The following ARHGAP24 variants were observed in gnomAD, a reference collection of about 807,000 sequenced individuals.
The protein encoded by ARHGAP24 is Rho GTPase activating protein 24.
Under a neutral mutation model 76.4 loss-of-function variants are expected in ARHGAP24, and 50 were observed. The observed-to-expected ratio is 0.65, with a 90% confidence interval of 0.52 to 0.83. ARHGAP24 has a LOEUF of 0.83. Ranked by LOEUF, ARHGAP24 falls within the 40% of genes least tolerant of loss-of-function variation. The pLI is 0.00. For synonymous variants in ARHGAP24, 345 were observed against 323.3 expected (o/e 1.07, Z -0.72); for missense variants, 930 against 914.2 (o/e 1.02, Z -0.22).
intron 7 of ARHGAP24, chr4:85,975,903 C>T (rs912280900): frequency 6.6e-6 from 1 of 152,134 alleles, no homozygotes; most frequent in African/African-American, 2.4e-5. Flanking sequence ...ATTCCAAGTC[C>T]TCCCACAATA....
intron 3 of ARHGAP24, among the ~76,000 whole-genome samples, chr4:85,727,739 A>G (rs1396474992): frequency 2.0e-5 from 3 of 152,098 alleles, no homozygotes; most frequent in African/African-American, 7.2e-5. Flanking sequence ...ATATGCTGGG[A>G]CTCAGTCCAT....
At chr4:85,544,980 T>G (rs1338781309) in intron 1 of ARHGAP24, among the ~76,000 whole-genome samples, 1 of 152,106 alleles carries the variant, frequency 6.6e-6, no homozygotes, top group Non-Finnish European at 1.5e-5. Flanking sequence ...CACAGGTGAC[T>G]GCAGATCGTG....
chr4:85,971,122 A>G (rs1738948203), intron 5 of ARHGAP24, among the ~76,000 whole-genome samples: 1 of 152,212 alleles, frequency 6.6e-6, no homozygotes, highest in South Asian at 2.1e-4. Context: ...CCATCTTAGA[A>G]TATTAGACAA....
chr4:85,769,742 T>G (rs1435072335), intron 3 of ARHGAP24, among the ~76,000 whole-genome samples: 2 of 151,694 alleles, frequency 1.3e-5, no homozygotes, highest in African/African-American at 4.8e-5. Flanking sequence ...CGCCCGCCAC[T>G]ACGCCCAGCT....
chr4:85,824,077 A>G (rs1729599833), intron 3 of ARHGAP24, among the ~76,000 whole-genome samples: 1 of 152,168 alleles, frequency 6.6e-6, no homozygotes, highest in African/African-American at 2.4e-5. Context: ...GACTGCTCAG[A>G]AGGTGTTTAA....
intron 2 of ARHGAP24, among the ~76,000 whole-genome samples, chr4:85,624,465 A>G (rs1720854953): frequency 6.6e-6 from 1 of 152,056 alleles, no homozygotes; most frequent in Admixed American, 6.5e-5. Flanking sequence ...AAGCTTTTTG[A>G]TGTGCTGCTG....
intron 2 of ARHGAP24, among the ~76,000 whole-genome samples, chr4:85,653,802 A>G (rs1024501345): frequency 6.6e-6 from 1 of 152,136 alleles, no homozygotes; most frequent in Admixed American, 6.6e-5. Flanking sequence ...TTCTCCAGTT[A>G]CACTAGCCAC....
At chr4:85,685,254 C>T (rs1446155449) in intron 2 of ARHGAP24, among the ~76,000 whole-genome samples, 1 of 152,164 alleles carries the variant, frequency 6.6e-6, no homozygotes, top group African/African-American at 2.4e-5. Context: ...TGCCTTGCTG[C>T]CAAACACTCT....
intron 2 of ARHGAP24, among the ~76,000 whole-genome samples, chr4:85,597,629 C>CT (rs5859986): frequency 2.7e-5 from 4 of 148,924 alleles, no homozygotes; most frequent in South Asian, 2.1e-4. Context: ...AGGGCAGCAA[C>CT]TTTTTTTTTT....
intron 1 of ARHGAP24, among the ~76,000 whole-genome samples, chr4:85,525,957 C>T (rs1411432385): frequency 1.3e-5 from 2 of 152,084 alleles, no homozygotes; most frequent in African/African-American, 2.4e-5. Context: ...GCTTTTTACA[C>T]CCCCAAGGGC....
In ARHGAP24 at chr4:85,995,224, G is replaced by A; in HGVS notation, c.1570G>A (p.Gly524Ser). The A allele has an allele frequency of 1.9e-6, 3 of 1,614,000 alleles. No individual in the cohort carries two copies. The highest frequency in any genetic ancestry group is 2.2e-5 in the East Asian group (1 of 44,830). Residue 524 changes from glycine to serine, a missense_variant, in exon 9 of 10, where the codon GGC becomes AGC. Gly to Ser is a moderately conservative substitution (Grantham distance 56). Coordinates refer to ENST00000395184, the MANE Select transcript of ARHGAP24 (RefSeq NM_001025616.3). ...NKQKEQAGEL[G>S]QHNRLSTYDN... ...GCAGAAAGAACAAGCTGGAGAGTTA[G>A]GCCAGCACAACAGACTGTCCACCTA...
At chr4:85,618,132 C>A (rs891954116) in intron 2 of ARHGAP24, among the ~76,000 whole-genome samples, 1 of 152,144 alleles carries the variant, frequency 6.6e-6, no homozygotes, top group Non-Finnish European at 1.5e-5. Context: ...ACCCCTTGAC[C>A]AACATCTCCC....
At chr4:85,648,624 A>C (rs1721816042) in intron 2 of ARHGAP24, among the ~76,000 whole-genome samples, 2 of 152,126 alleles carry the variant, frequency 1.3e-5, no homozygotes, top group Non-Finnish European at 2.9e-5. Flanking sequence ...CACAAATCAT[A>C]AACCAAATAT....
intron 1 of ARHGAP24, among the ~76,000 whole-genome samples, chr4:85,534,927 TAAA>T (rs200978740): frequency 1.0e-4 from 10 of 99,878 alleles, no homozygotes; most frequent in Non-Finnish European, 1.4e-4. Context: ...ATATTTACAG[TAAA>T]AAAAAAAAAA....
chr4:85,997,785 A>G (rs930616643), intron 9 of ARHGAP24, among the ~76,000 whole-genome samples: 1 of 151,890 alleles, frequency 6.6e-6, no homozygotes, highest in Non-Finnish European at 1.5e-5. Flanking sequence ...CCTCCTGAGT[A>G]GCTTGGATTA....
chr4:85,532,099 CT>C (rs11350617), intron 1 of ARHGAP24, among the ~76,000 whole-genome samples: 39,417 of 151,972 alleles, frequency 0.26, 6,671 homozygotes, highest in East Asian at 0.79. Flanking sequence ...TGTGCAGTGA[CT>C]ATGAAGATAA....
intron 3 of ARHGAP24, among the ~76,000 whole-genome samples, chr4:85,813,308 T>C (rs191090472): frequency 2.0e-4 from 31 of 152,322 alleles, no homozygotes; most frequent in African/African-American, 7.5e-4. Flanking sequence ...TTACTTTGAT[T>C]ATCTAAACCA....
chr4:85,895,063 G>A lies in ARHGAP24; in HGVS notation c.269-28585G>A, dbSNP rs143570441. On this transcript the variant is annotated intron_variant, in intron 3 of 9. Transcript: ENST00000395184. ...TTTTGGGGACTCACGAGGGAAGATC[G>A]GGACGGAGTAAGAGGTAAAAGACTA... Among the ~76,000 whole-genome samples, 182 of 142,688 alleles carry A rather than the reference G, an allele frequency of 1.3e-3. 1 individual carries two copies. Among genetic ancestry groups the A allele is most frequent in the African/African-American group, 4.3e-3 (165 of 38,334 alleles). 93.6% of individuals were successfully genotyped at this position (142,688 alleles called of 152,430 possible). A position where few individuals can be genotyped will look rare whatever the true frequency, so the allele number is the denominator to read the frequency against.
rs13126782 is a variant in ARHGAP24, at chr4:85,930,731, T to G, written c.391+6961T>G. 293,168 of 1,255,760 alleles carry G rather than the reference T, an allele frequency of 0.23. 37,144 individuals are homozygous for G. Among genetic ancestry groups the G allele is most frequent in the Non-Finnish European group, 0.26 (261,092 of 999,566 alleles). 77.8% of individuals were successfully genotyped at this position (1,255,760 alleles called of 1,614,324 possible). ...CTGGATTAGGCAAGAGAAAAGGAAG[T>G]TTTTTTTTGCTAAACAGGAGTAAAT... On this transcript the variant is annotated intron_variant, in intron 4 of 9. Transcript: ENST00000395184.
Sources: gnomAD v4.1 joint callset for allele counts (sites outside exome capture counted in the v4.1 genomes callset) on GRCh38, gnomAD v4.1.1 for gene constraint, MANE v1.5 for transcripts, NCBI Gene and HGNC (gene_info 2026-07-23, HGNC 2026-07-21) for gene names.